Variants in HERC1 observed in about 807,000 individuals in gnomAD.
The protein encoded by HERC1 is probable E3 ubiquitin-protein ligase HERC1.
HERC1 carries 160 observed loss-of-function variants against 554.3 expected under a neutral mutation model. The observed-to-expected ratio is 0.29, with a 90% CI of 0.25 to 0.33. The LOEUF is 0.33. Among genes scored for constraint, HERC1 ranks in the 10% least tolerant of loss-of-function variants. The pLI is 1.00. For synonymous variants in HERC1, 2,175 were observed against 2,131.7 expected (o/e 1.02, Z -0.56); for missense variants, 4,919 against 5,918.5 (o/e 0.83, Z 5.54).
At chr15:63,722,597 T>A (rs1300468429) in intron 19 of HERC1, among the ~76,000 whole-genome samples, 3 of 152,204 alleles carry the variant, frequency 2.0e-5, no homozygotes, top group Non-Finnish European at 4.4e-5. Context: ...TCTCACGAAG[T>A]CACTTAGTAA....
chr15:63,805,301 GAAT>G (rs1031339624), intron 1 of HERC1, among the ~76,000 whole-genome samples: 13 of 152,126 alleles, frequency 8.5e-5, no homozygotes, highest in African/African-American at 3.1e-4. Flanking sequence ...CAAGCAAAAT[GAAT>G]AATAAGCATT....
intron 3 of HERC1, among the ~76,000 whole-genome samples, chr15:63,759,526 A>G (rs1309110971): frequency 3.9e-5 from 6 of 152,230 alleles, no homozygotes; most frequent in Non-Finnish European, 1.5e-5. Context: ...AAAAAGGAAG[A>G]TGCCCTTATC....
At position 63,616,544 on chromosome 15, in the gene HERC1, G is replaced by A; in HGVS notation, c.13827C>T (p.Cys4609=). The change falls in exon 75 of 78, where the codon TGC becomes TGT. Residue 4609 remains cysteine, a synonymous_variant. Transcript: ENST00000443617. The part of the protein sequence containing the change: ...HLAPLVWKQL[C]CVPLTLEDLE... ...GGTCCTCTAGGGTGAGTGGGACACA[G>A]CACAGCTGCTTCCACACCAGAGGGG... 1 of 1,614,012 alleles carries A rather than the reference G, an allele frequency of 6.2e-7. No individual in the cohort carries two copies. The highest frequency in any genetic ancestry group is 8.5e-7 in the Non-Finnish European group (1 of 1,179,898).
At chr15:63,695,772 T>C (rs2072375517) in intron 27 of HERC1, among the ~76,000 whole-genome samples, 1 of 152,172 alleles carries the variant, frequency 6.6e-6, no homozygotes, top group South Asian at 2.1e-4. Context: ...TTCTAAGTTA[T>C]CAAAGGAATC....
rs2068146725 is a variant in HERC1, at chr15:63,622,895, CA to C, written c.13612-5del. 1.3e-6 allele frequency: 2 copies of C among 1,581,612 alleles called. No homozygotes were observed. The highest frequency in any genetic ancestry group is 2.7e-5 in the African/African-American group (2 of 73,250). ...CAACAATACCAGTTTCAAGTTCCTG[CA>C]GAAGAAAGAAAAAAATTTTTTGAGA... On this transcript the variant is annotated splice_region_variant and splice_polypyrimidine_tract_variant and intron_variant, in intron 73 of 77. Coordinates refer to ENST00000443617, the MANE Select transcript of HERC1 (RefSeq NM_003922.4).
intron 25 of HERC1, among the ~76,000 whole-genome samples, chr15:63,704,116 A>T (rs1389166927): frequency 6.6e-6 from 1 of 151,986 alleles, no homozygotes; most frequent in African/African-American, 2.4e-5. Context: ...AAGGAAAAAA[A>T]ATACAGTCAT....
intron 16 of HERC1, among the ~76,000 whole-genome samples, chr15:63,728,353 T>A (rs1045579011): frequency 9.2e-5 from 14 of 152,336 alleles, no homozygotes; most frequent in African/African-American, 3.1e-4. Context: ...TAATCCATAT[T>A]GGTTTTAAAT....
In HERC1 at chr15:63,640,463, GATATA is replaced by G. The variant is rs1424258773; in HGVS notation, c.11608-23_11608-19del. The stretch of plus-strand genomic sequence containing the variant: ...ACATGAGGCTAAAACAAAATACAAG[GATATA>G]ATATGTCAAAGAGTTTGTGCCAAAT... On this transcript the variant is annotated intron_variant, in intron 60 of 77. Coordinates refer to ENST00000443617, the MANE Select transcript of HERC1 (RefSeq NM_003922.4). 6.3e-7 allele frequency: 1 copy of G among 1,591,314 alleles called. No individual in the cohort carries two copies. Among genetic ancestry groups the G allele is most frequent in the East Asian group, 2.2e-5 (1 of 44,612 alleles).
At chr15:63,675,717 T>C (rs868383830) in intron 37 of HERC1, among the ~76,000 whole-genome samples, 1 of 152,154 alleles carries the variant, frequency 6.6e-6, no homozygotes, top group South Asian at 2.1e-4. Context: ...TTTCCTGATA[T>C]TGGCAAGAAC....
At chr15:63,655,344 A>G (rs910804228) in intron 50 of HERC1, among the ~76,000 whole-genome samples, 2 of 152,076 alleles carry the variant, frequency 1.3e-5, no homozygotes, top group Non-Finnish European at 2.9e-5. Flanking sequence ...ACAGAGTGAG[A>G]CTCTGTCTCA....
chr15:63,681,970 T>C (rs540882341), intron 34 of HERC1, among the ~76,000 whole-genome samples: 1 of 152,322 alleles, frequency 6.6e-6, no homozygotes, highest in South Asian at 2.1e-4. Context: ...TGTATCAACG[T>C]GTGGAGTCTG....
intron 1 of HERC1, among the ~76,000 whole-genome samples, chr15:63,827,223 G>A (rs969313771): frequency 5.9e-5 from 9 of 152,132 alleles, no homozygotes; most frequent in East Asian, 1.9e-4. Context: ...CCAGGAATTC[G>A]AGACCAGCCT....
chr15:63,638,731 A>G lies in HERC1; in HGVS notation c.11947T>C (p.Trp3983Arg). Residue 3983 changes from tryptophan to arginine, a missense_variant, in exon 62 of 78, where the codon TGG becomes CGG. This residue lies in a region of HERC1 where 1,963 missense variants were observed against 2,228.6 expected (regional missense o/e 0.88). Coordinates refer to ENST00000443617, the MANE Select transcript of HERC1 (RefSeq NM_003922.4). The part of the protein sequence containing the change: ...INGMDEQIMS[W>R]ATSRPEDWHL... ...CTGACCTCAGGTCTGGAAGTTGCCCAAGACATAATTTGTTCATCCATGCCG... is the reference window on the plus strand; with the variant it reads ...CTGACCTCAGGTCTGGAAGTTGCCCGAGACATAATTTGTTCATCCATGCCG... The G allele has an allele frequency of 6.2e-7, 1 of 1,613,524 alleles. No homozygotes were observed. Among genetic ancestry groups the G allele is most frequent in the Admixed American group, 1.7e-5 (1 of 60,016 alleles).
At chr15:63,643,572 A>T (rs750273206) in intron 57 of HERC1, 22 bp from the exon 58 acceptor site, 2 of 1,488,958 alleles carry the variant, frequency 1.3e-6, no homozygotes, top group Non-Finnish European at 1.8e-6. Context: ...TATTTTTAAC[A>T]TGCATTAAAA....
At chr15:63,820,225 C>T (rs2077638847) in intron 1 of HERC1, among the ~76,000 whole-genome samples, 1 of 152,048 alleles carries the variant, frequency 6.6e-6, no homozygotes, top group Admixed American at 6.6e-5. Context: ...CTGTCTACTC[C>T]CCCACCACAC....
chr15:63,733,168 C>G, intron 13 of HERC1, 23 bp from the exon 14 acceptor site: 1 of 1,497,726 alleles, frequency 6.7e-7, no homozygotes, highest in Non-Finnish European at 9.3e-7. Context: ...AAAATAGGAA[C>G]AAGTAACTAG....
At chr15:63,639,200 C>G (rs1290975112) in intron 61 of HERC1, among the ~76,000 whole-genome samples, 1 of 152,198 alleles carries the variant, frequency 6.6e-6, no homozygotes, top group African/African-American at 2.4e-5. Flanking sequence ...ATATTGTATA[C>G]TTTTGTGCCA....
intron 22 of HERC1, among the ~76,000 whole-genome samples, chr15:63,714,211 G>A (rs759701658): frequency 6.6e-6 from 1 of 151,724 alleles, no homozygotes; most frequent in Non-Finnish European, 1.5e-5. Flanking sequence ...AAAAAAAAAC[G>A]GACAAAATTT....
chr15:63,727,355 T>G lies in HERC1; in HGVS notation c.3346+292A>C, dbSNP rs1445510372. 6.6e-6 allele frequency among the ~76,000 whole-genome samples: 1 copy of G among 152,210 alleles called. No individual in the cohort carries two copies. Among genetic ancestry groups the G allele is most frequent in the African/African-American group, 2.4e-5 (1 of 41,454 alleles). ...CAACATCCTGATATGGTTGTAAATT[T>G]GACACTTGGACTAAGTGACACTTGA... On this transcript the variant is annotated intron_variant, in intron 17 of 77. Coordinates refer to ENST00000443617, the MANE Select transcript of HERC1 (RefSeq NM_003922.4). The surrounding 1 kb of genome is among the most constrained non-coding windows in gnomAD (Gnocchi z 4.3).
Sources: gnomAD v4.1 joint callset for allele counts (sites outside exome capture counted in the v4.1 genomes callset) on GRCh38, gnomAD v4.1.1 for gene constraint, gnomAD v4.1.1 regional missense constraint, Gnocchi (gnomAD v3.1) non-coding constraint, MANE v1.5 for transcripts, NCBI Gene and HGNC (gene_info 2026-07-23, HGNC 2026-07-21) for gene names.